Variants in KCNB2 observed in about 807,000 individuals in gnomAD.
KCNB2 encodes delayed rectifier potassium channel protein.
In KCNB2, 15 loss-of-function variants were observed where a neutral mutation model predicts 61.5. The ratio of observed to expected loss-of-function variants is 0.24; its 90% CI spans 0.16 to 0.38. KCNB2 has a LOEUF of 0.38. KCNB2 is among the 10% of genes least tolerant of loss of function. KCNB2 has a pLI of 1.00. For missense variants in KCNB2, 828 were observed against 1,125.2 expected, an observed-to-expected ratio of 0.74 and a Z score of 3.78; for synonymous variants, 457 against 446.0, an observed-to-expected ratio of 1.02 and a Z score of -0.31.
intron 2 of KCNB2, among the ~76,000 whole-genome samples, chr8:72,646,690 AGG>A (rs1336602875): frequency 6.6e-6 from 1 of 152,144 alleles, no homozygotes; most frequent in Non-Finnish European, 1.5e-5. Flanking sequence ...AAATTCATAG[AGG>A]CAGAACATAG....
At chr8:72,893,813 T>G (rs562630493) in intron 2 of KCNB2, among the ~76,000 whole-genome samples, 2 of 152,206 alleles carry the variant, frequency 1.3e-5, no homozygotes, top group Non-Finnish European at 2.9e-5. Flanking sequence ...AACAGAAATG[T>G]TCACAGAGAA....
chr8:72,905,636 C>T (rs1241759252), intron 2 of KCNB2, among the ~76,000 whole-genome samples: 1 of 151,966 alleles, frequency 6.6e-6, no homozygotes, highest in Non-Finnish European at 1.5e-5. Flanking sequence ...TCGGGGAGCA[C>T]GAGTATTGCA....
chr8:72,757,926 G>A (rs1434942714), intron 2 of KCNB2, among the ~76,000 whole-genome samples: 3 of 152,208 alleles, frequency 2.0e-5, no homozygotes, highest in East Asian at 3.8e-4. Flanking sequence ...CCAAGATTAC[G>A]ATACCAAGCC....
At chr8:72,545,076 C>T (rs1806240015) in intron 1 of KCNB2, among the ~76,000 whole-genome samples, 1 of 152,150 alleles carries the variant, frequency 6.6e-6, no homozygotes, top group African/African-American at 2.4e-5. Context: ...ATATTCTGCT[C>T]TCTGGCTACA....
At chr8:72,899,829 A>G (rs904561780) in intron 2 of KCNB2, among the ~76,000 whole-genome samples, 2 of 152,164 alleles carry the variant, frequency 1.3e-5, no homozygotes, top group Non-Finnish European at 2.9e-5. Context: ...CACTACCAAC[A>G]TCATTTTTCA....
intron 2 of KCNB2, among the ~76,000 whole-genome samples, chr8:72,797,266 C>G (rs1057055270): frequency 6.6e-6 from 1 of 152,156 alleles, no homozygotes; most frequent in African/African-American, 2.4e-5. Context: ...TTAATACAGT[C>G]AGCTCAAAGA....
chr8:72,936,886 A>G lies in KCNB2; in HGVS notation c.1531A>G (p.Lys511Glu), dbSNP rs1585988062. ...AAGCTCCAACAAGTCTTTCGAGAAT[A>G]AGTACCAGGAGGTTAGCCAAAAAGA... ...ETSSNKSFEN[K>E]YQEVSQKDSH... Residue 511 changes from lysine to glutamate, a missense_variant, in exon 3 of 3, where the codon AAG becomes GAG. By Grantham distance (56) the Lys-to-Glu change is moderately conservative. This residue lies in a region of KCNB2 where 559 missense variants were observed against 588.4 expected (regional missense o/e 0.95). Transcript: ENST00000523207. The surrounding 1 kb of genome is among the most constrained non-coding windows in gnomAD (Gnocchi z 5.6). The G allele has an allele frequency of 6.2e-7, 1 of 1,614,008 alleles. No individual in the cohort carries two copies. The highest frequency in any genetic ancestry group is 8.5e-7 in the Non-Finnish European group (1 of 1,180,022).
chr8:72,758,528 C>G (rs1808328935), intron 2 of KCNB2, among the ~76,000 whole-genome samples: 1 of 152,174 alleles, frequency 6.6e-6, no homozygotes, highest in Non-Finnish European at 1.5e-5. Context: ...TTAATCCAAG[C>G]CTGTTTTTAG....
In KCNB2 at chr8:72,546,251, C is replaced by T. The variant is rs1039251036; in HGVS notation, c.-94+8366C>T. Among the ~76,000 whole-genome samples, 11 of 152,248 alleles carry T rather than the reference C, an allele frequency of 7.2e-5. No homozygotes were observed. The East Asian group carries it at 1.9e-3, about 27-fold the overall frequency. On this transcript the variant is annotated intron_variant, in intron 1 of 2. Transcript: ENST00000523207. ...GCAAGGTGGGCCGGGCGCAGTGGCT[C>T]ACGCCTGTAATCCCAACACTTTGGG... is the stretch of plus-strand genomic sequence containing the variant.
At chr8:72,679,907 TTC>T (rs1489512519) in intron 2 of KCNB2, among the ~76,000 whole-genome samples, 2 of 152,334 alleles carry the variant, frequency 1.3e-5, no homozygotes, top group Non-Finnish European at 2.9e-5. Flanking sequence ...GCTGATAACT[TTC>T]TGTCTGATCC....
At chr8:72,895,412 AC>A (rs1369707438) in intron 2 of KCNB2, among the ~76,000 whole-genome samples, 2 of 152,304 alleles carry the variant, frequency 1.3e-5, no homozygotes, top group East Asian at 3.9e-4. Context: ...GGGGAGCATG[AC>A]CTAAGTAAGC....
At chr8:72,703,833 T>C (rs1157915326) in intron 2 of KCNB2, among the ~76,000 whole-genome samples, 1 of 152,130 alleles carries the variant, frequency 6.6e-6, no homozygotes, top group Non-Finnish European at 1.5e-5. Flanking sequence ...AAACGATGTG[T>C]GATTAGGAAG....
intron 2 of KCNB2, among the ~76,000 whole-genome samples, chr8:72,929,907 G>A (rs1350979766): frequency 6.6e-6 from 1 of 150,810 alleles, no homozygotes; most frequent in Non-Finnish European, 1.5e-5. Context: ...CCATTAACTC[G>A]TCATTTACAT....
At chr8:72,757,103 G>A (rs1263996828) in intron 2 of KCNB2, among the ~76,000 whole-genome samples, 1 of 152,104 alleles carries the variant, frequency 6.6e-6, no homozygotes, top group African/African-American at 2.4e-5. Flanking sequence ...ACAGAACCTT[G>A]GGGAGCGCCA....
chr8:72,935,881 T>G (rs1414356080), intron 2 of KCNB2, 54 bp from the exon 3 acceptor site: 1 of 1,292,846 alleles, frequency 7.7e-7, no homozygotes, highest in African/African-American at 1.5e-5. Flanking sequence ...ATCTGTCTCC[T>G]AGCTGCCTAA....
At chr8:72,636,892 C>G (rs1290859921) in intron 2 of KCNB2, among the ~76,000 whole-genome samples, 1 of 152,128 alleles carries the variant, frequency 6.6e-6, no homozygotes, top group African/African-American at 2.4e-5. Context: ...CACCAACATG[C>G]CATAAGACTG....
At chr8:72,643,871 A>G (rs564974799) in intron 2 of KCNB2, among the ~76,000 whole-genome samples, 1 of 152,254 alleles carries the variant, frequency 6.6e-6, no homozygotes, top group African/African-American at 2.4e-5. Context: ...CAAGGAAAAT[A>G]TGAACCCTTC....
At chr8:72,845,501 AG>A (rs1809973042) in intron 2 of KCNB2, among the ~76,000 whole-genome samples, 1 of 152,214 alleles carries the variant, frequency 6.6e-6, no homozygotes, top group Non-Finnish European at 1.5e-5. Flanking sequence ...TAGAGCTGGC[AG>A]GCAGGAATAT....
chr8:72,678,192 G>T (rs542942922), intron 2 of KCNB2, among the ~76,000 whole-genome samples: 5 of 152,272 alleles, frequency 3.3e-5, no homozygotes, highest in African/African-American at 1.2e-4. Context: ...CACCTCTGCT[G>T]CCTGTCTATG....
Sources: gnomAD v4.1 joint callset for allele counts (sites outside exome capture counted in the v4.1 genomes callset) on GRCh38, gnomAD v4.1.1 for gene constraint, gnomAD v4.1.1 regional missense constraint, Gnocchi (gnomAD v3.1) non-coding constraint, MANE v1.5 for transcripts, NCBI Gene and HGNC (gene_info 2026-07-23, HGNC 2026-07-21) for gene names.